Variants in BBOX1 observed in about 807,000 individuals in gnomAD.
BBOX1 encodes gamma-butyrobetaine hydroxylase 1.
Under a neutral mutation model 41.6 loss-of-function variants are expected in BBOX1, and 35 were observed. The ratio of observed to expected loss-of-function variants is 0.84; its 90% CI spans 0.64 to 1.11. The LOEUF (loss-of-function observed/expected upper bound fraction) is 1.11. BBOX1 is among the 50% of genes most tolerant of loss of function. BBOX1 has a pLI of 0.00. For missense variants in BBOX1, 458 were observed against 460.6 expected, an observed-to-expected ratio of 0.99 and a Z score of 0.05; for synonymous variants, 163 against 154.7, an observed-to-expected ratio of 1.05 and a Z score of -0.40.
chr11:27,073,005 CA>C (rs1296012076), intron 4 of BBOX1, among the ~76,000 whole-genome samples: 5 of 152,228 alleles, frequency 3.3e-5, no homozygotes, highest in East Asian at 1.9e-4. Context: ...TAGGCATGGG[CA>C]AGGACGTCAT....
chr11:27,098,018 G>A (rs1858505764), intron 5 of BBOX1, among the ~76,000 whole-genome samples: 1 of 151,800 alleles, frequency 6.6e-6, no homozygotes, highest in African/African-American at 2.4e-5. Context: ...TTTCTCACTT[G>A]TTTGTTCAGG....
Position 27,049,138 on chromosome 11 carries a change from G to T in BBOX1, c.-38-6255G>T, listed in dbSNP as rs1021869932. Among the ~76,000 whole-genome samples, 16 of 34,848 alleles carry T rather than the reference G, an allele frequency of 4.6e-4. 1 individual carries two copies. The highest frequency in any genetic ancestry group is 2.5e-3 in the African/African-American group (14 of 5,502). The allele number at this position is 34,848 out of a possible 152,430, so 22.9% of individuals were successfully genotyped here. A position where few individuals can be genotyped will look rare whatever the true frequency, so the allele number is the denominator to read the frequency against. On this transcript the variant is annotated intron_variant, in intron 2 of 8. Transcript: ENST00000263182. ...TATATGTGCCACATAAGTTATTTGG[G>T]GGGGGGGAACTTCTGTACTGTTTTC...
chr11:27,098,744 AGTATG>A (rs1858537724), intron 5 of BBOX1, among the ~76,000 whole-genome samples: 1 of 152,062 alleles, frequency 6.6e-6, no homozygotes, highest in Admixed American at 6.6e-5. Context: ...CTGATCTGTG[AGTATG>A]TTTGTGTTCA....
intron 4 of BBOX1, among the ~76,000 whole-genome samples, chr11:27,079,823 A>G (rs1358097943): frequency 6.6e-6 from 1 of 152,110 alleles, no homozygotes. Flanking sequence ...TGGCAACTCC[A>G]TCTCTCCAGT....
chr11:27,045,764 A>C (rs1469039351), intron 2 of BBOX1, among the ~76,000 whole-genome samples: 5 of 151,866 alleles, frequency 3.3e-5, no homozygotes, highest in African/African-American at 1.2e-4. Flanking sequence ...AACACTCAAG[A>C]AATAACAGCC....
At chr11:27,043,776 T>C (rs1366509338) in intron 2 of BBOX1, among the ~76,000 whole-genome samples, 1 of 148,134 alleles carries the variant, frequency 6.8e-6, no homozygotes, top group Non-Finnish European at 1.5e-5. Flanking sequence ...CATGAACTCA[T>C]CCTTTTTTAT....
chr11:27,127,416 T>G lies in BBOX1; in HGVS notation c.1127T>G (p.Leu376Arg). 6.2e-7 allele frequency: 1 copy of G among 1,613,020 alleles called. No individual in the cohort carries two copies. The highest frequency in any genetic ancestry group is 8.5e-7 in the Non-Finnish European group (1 of 1,179,790). The change falls in exon 9 of 9, where the codon CTT becomes CGT. Residue 376 changes from leucine to arginine, a missense_variant. Transcript: ENST00000263182. ...YADWDVVMSR[L>R]RILRQRVENG... ...GACTGGGATGTGGTCATGTCAAGGC[T>G]TCGTATCTTAAGGCAGAGGGTGGAG...
chr11:27,055,855 T>G (rs926756126), intron 3 of BBOX1, among the ~76,000 whole-genome samples: 2 of 152,178 alleles, frequency 1.3e-5, no homozygotes, highest in African/African-American at 4.8e-5. Flanking sequence ...ACTACTACTA[T>G]TTTTAATAAA....
intron 4 of BBOX1, among the ~76,000 whole-genome samples, chr11:27,088,170 T>A (rs1858111626): frequency 6.6e-6 from 1 of 152,052 alleles, no homozygotes; most frequent in South Asian, 2.1e-4. Flanking sequence ...GTATGTAGTG[T>A]GTGCCCTAAT....
chr11:27,057,920 G>A (rs1361404353), intron 4 of BBOX1, among the ~76,000 whole-genome samples: 1 of 152,134 alleles, frequency 6.6e-6, no homozygotes, highest in Non-Finnish European at 1.5e-5. Flanking sequence ...GGTGGATTCA[G>A]TGGATAAAGA....
At chr11:27,097,433 T>A (rs973141583) in intron 5 of BBOX1, among the ~76,000 whole-genome samples, 4 of 152,048 alleles carry the variant, frequency 2.6e-5, no homozygotes, top group African/African-American at 9.7e-5. Flanking sequence ...CCAAAGAAAG[T>A]ACAATTTCTG....
In BBOX1 at chr11:27,050,395, T is replaced by C. The variant is rs902460898; in HGVS notation, c.-38-4998T>C. ...TTTAAAATTTATTTGATAAATGTCA[T>C]TGGAGTTTTGATAGTAATTGCACTG... On this transcript the variant is annotated intron_variant, in intron 2 of 8. Coordinates refer to ENST00000263182, the MANE Select transcript of BBOX1 (RefSeq NM_003986.3). Among the ~76,000 whole-genome samples the C allele has an allele frequency of 5.3e-4, 81 of 152,138 alleles. 1 individual carries two copies. The highest frequency in any genetic ancestry group is 1.7e-3 in the African/African-American group (72 of 41,462).
chr11:27,118,221 G>A (rs1335940659), intron 6 of BBOX1, among the ~76,000 whole-genome samples: 2 of 151,956 alleles, frequency 1.3e-5, no homozygotes, highest in South Asian at 2.1e-4. Flanking sequence ...TCCAGCAAAT[G>A]AAACATCCAA....
At chr11:27,088,308 A>G (rs1469497163) in intron 4 of BBOX1, among the ~76,000 whole-genome samples, 2 of 151,858 alleles carry the variant, frequency 1.3e-5, no homozygotes, top group East Asian at 3.9e-4. Flanking sequence ...GGTCACTGAA[A>G]CTCTCTGGAA....
intron 2 of BBOX1, among the ~76,000 whole-genome samples, chr11:27,051,879 G>T (rs1851681093): frequency 1.3e-5 from 2 of 151,890 alleles, no homozygotes; most frequent in Admixed American, 1.3e-4. Context: ...TGTAAAGCTA[G>T]ATTGTTTATT....
At position 27,045,081 on chromosome 11, in the gene BBOX1, G is replaced by A. The variant is rs572053987; in HGVS notation, c.-39+3603G>A. 9.9e-5 allele frequency among the ~76,000 whole-genome samples: 15 copies of A among 152,218 alleles called. No individual in the cohort carries two copies. In the South Asian group the frequency reaches 3.1e-3, roughly 32 times the overall value. On this transcript the variant is annotated intron_variant, in intron 2 of 8. Transcript: ENST00000263182. ...TATAAGCATGGAATGTTTTTCCATTGTTTGTGTCCTCTCTTATTTCCTTGA... is the reference window on the plus strand; with the variant it reads ...TATAAGCATGGAATGTTTTTCCATTATTTGTGTCCTCTCTTATTTCCTTGA...
chr11:27,083,001 C>G (rs867063325), intron 4 of BBOX1, among the ~76,000 whole-genome samples: 3 of 152,242 alleles, frequency 2.0e-5, no homozygotes, highest in Middle Eastern at 6.8e-3. Flanking sequence ...AACAGTCCAA[C>G]ATGAAAATGT....
chr11:27,093,283 A>G lies in BBOX1; in HGVS notation c.450A>G (p.Val150=). ...CCACCCTCAAGAAAGTAGGCATAGT[A>G]AGACTCACCGGAGCATCTGACAAAC... is the stretch of plus-strand genomic sequence containing the variant. ...WLSTLKKVGI[V]RLTGASDKPG... is the part of the protein sequence containing the mutation. The change falls in exon 5 of 9, where the codon GTA becomes GTG. Residue 150 remains valine, a synonymous_variant. Coordinates refer to ENST00000263182, the MANE Select transcript of BBOX1 (RefSeq NM_003986.3). 6.2e-7 allele frequency: 1 copy of G among 1,612,618 alleles called. No individual in the cohort carries two copies. The highest frequency in any genetic ancestry group is 8.5e-7 in the Non-Finnish European group (1 of 1,179,066).
chr11:27,059,178 C>T (rs888941068), intron 4 of BBOX1, among the ~76,000 whole-genome samples: 1 of 152,144 alleles, frequency 6.6e-6, no homozygotes, highest in Non-Finnish European at 1.5e-5. Context: ...ACTCCAGCCT[C>T]GGCTCCAAGG....
Sources: allele counts gnomAD v4.1 joint callset (sites outside exome capture counted in the v4.1 genomes callset), GRCh38; gene constraint gnomAD v4.1.1; transcripts MANE v1.5; gene names NCBI Gene and HGNC (gene_info 2026-07-23, HGNC 2026-07-21).